Variants in LARGE1 observed in about 807,000 individuals in gnomAD.
LARGE1 encodes the protein LARGE xylosyl- and glucuronyltransferase 1.
Under a neutral mutation model 87.6 loss-of-function variants are expected in LARGE1, and 43 were observed. The observed-to-expected ratio is 0.49, with a 90% confidence interval of 0.38 to 0.63. The LOEUF (loss-of-function observed/expected upper bound fraction) is 0.63. Among genes scored for constraint, LARGE1 ranks in the 30% least tolerant of loss-of-function variants. LARGE1 has a pLI of 0.00. For missense variants in LARGE1, 802 were observed against 1,000.2 expected (o/e 0.80, Z 2.67); for synonymous variants, 434 against 394.6 (o/e 1.10, Z -1.18).
chr22:33,871,176 C>T lies in LARGE1; in HGVS notation c.-83+48819G>A, dbSNP rs562943532. Among the ~76,000 whole-genome samples the T allele has an allele frequency of 6.6e-5, 10 of 152,320 alleles. No individual in the cohort carries two copies. The South Asian group carries it at 1.5e-3, about 22-fold the overall frequency. On this transcript the variant is annotated intron_variant, in intron 1 of 14. Coordinates refer to ENST00000397394, the MANE Select transcript of LARGE1 (RefSeq NM_133642.5). ...AATTAGATAGGCAGTGGTTTCCATA[C>T]ATCCCATTAGCTCAAATTAACGTAT...
At chr22:33,485,704 C>T (rs1022378799) in intron 6 of LARGE1, among the ~76,000 whole-genome samples, 3 of 152,060 alleles carry the variant, frequency 2.0e-5, no homozygotes, top group Non-Finnish European at 4.4e-5. Flanking sequence ...GATCATCCCC[C>T]AAATTCAACC....
chr22:33,732,158 G>A (rs1179337870), intron 2 of LARGE1: 1 of 152,146 alleles, frequency 6.6e-6, no homozygotes, highest in African/African-American at 2.4e-5. Context: ...GGCCTGAAGT[G>A]GTCCCAGAAA....
intron 2 of LARGE1, among the ~76,000 whole-genome samples, chr22:33,683,919 C>A (rs1309497148): frequency 6.6e-6 from 1 of 152,054 alleles, no homozygotes; most frequent in Non-Finnish European, 1.5e-5. Context: ...GGTAAAGCGC[C>A]ACCACAGTCT....
rs551159417 is a variant in LARGE1, at chr22:33,880,271, T to C, written c.-83+39724A>G. Reference sequence around the variant, plus strand: ...ATTTTTCCAAGTATCTGGACCCAAGTCAGATCAGACGAAAGAAAGGTCTTG... The same window carrying C: ...ATTTTTCCAAGTATCTGGACCCAAGCCAGATCAGACGAAAGAAAGGTCTTG... On this transcript the variant is annotated intron_variant, in intron 1 of 14. Coordinates refer to ENST00000397394, the MANE Select transcript of LARGE1 (RefSeq NM_133642.5). Among the ~76,000 whole-genome samples, 3 of 152,286 alleles carry C rather than the reference T, an allele frequency of 2.0e-5. No individual in the cohort carries two copies. In the South Asian group the frequency reaches 6.2e-4, roughly 32 times the overall value.
At chr22:33,666,872 G>T (rs1188157630) in intron 2 of LARGE1, among the ~76,000 whole-genome samples, 1 of 152,150 alleles carries the variant, frequency 6.6e-6, no homozygotes, top group Non-Finnish European at 1.5e-5. Context: ...GCCACAATGG[G>T]AGTGAGAATG....
intron 6 of LARGE1, among the ~76,000 whole-genome samples, chr22:33,467,635 C>G (rs776894141): frequency 6.6e-6 from 1 of 152,134 alleles, no homozygotes; most frequent in South Asian, 2.1e-4. Flanking sequence ...CACTTTCAAC[C>G]CTGCGATATT....
chr22:33,868,928 A>G (rs2064190510), intron 1 of LARGE1, among the ~76,000 whole-genome samples: 2 of 152,180 alleles, frequency 1.3e-5, no homozygotes, highest in South Asian at 4.1e-4. Context: ...GTACTTCAAC[A>G]GAATTCTAAG....
intron 6 of LARGE1, among the ~76,000 whole-genome samples, chr22:33,561,298 T>C (rs2077851675): frequency 6.6e-6 from 1 of 152,206 alleles, no homozygotes; most frequent in South Asian, 2.1e-4. Context: ...TGCCCCAGGC[T>C]GGTTTTCTCT....
At chr22:33,589,531 A>G (rs1217227769) in intron 5 of LARGE1, among the ~76,000 whole-genome samples, 1 of 152,096 alleles carries the variant, frequency 6.6e-6, no homozygotes, top group African/African-American at 2.4e-5. Context: ...ATGAAAATTA[A>G]TATTTGTTTA....
chr22:33,527,324 T>C (rs1185065542), intron 6 of LARGE1, among the ~76,000 whole-genome samples: 3 of 152,150 alleles, frequency 2.0e-5, no homozygotes, highest in African/African-American at 7.2e-5. Flanking sequence ...GAACTCTGTT[T>C]TCCCAAGCGT....
chr22:33,507,075 G>A lies in LARGE1; in HGVS notation c.787+57773C>T, dbSNP rs76395275. On this transcript the variant is annotated intron_variant, in intron 6 of 14. Transcript: ENST00000397394. ...TAAGGGAATTGATGGTCATGATGGTGTCACATGCTGTGATCCAAGTAAACA... is the reference window on the plus strand; with the variant it reads ...TAAGGGAATTGATGGTCATGATGGTATCACATGCTGTGATCCAAGTAAACA... 5.5e-3 allele frequency among the ~76,000 whole-genome samples: 842 copies of A among 152,298 alleles called. 10 individuals carry two copies. Among genetic ancestry groups the A allele is most frequent in the South Asian group, 0.021 (102 of 4,824 alleles).
At chr22:33,543,365 T>C (rs2077266050) in intron 6 of LARGE1, among the ~76,000 whole-genome samples, 1 of 152,172 alleles carries the variant, frequency 6.6e-6, no homozygotes, top group Non-Finnish European at 1.5e-5. Flanking sequence ...CTTTCATGGA[T>C]AAATAGGCTG....
intron 1 of LARGE1, among the ~76,000 whole-genome samples, chr22:33,826,109 G>A (rs1054007913): frequency 6.6e-6 from 1 of 152,056 alleles, no homozygotes; most frequent in African/African-American, 2.4e-5. Context: ...AGCACAAACG[G>A]TGGCTTAAAA....
chr22:33,248,846 G>A (rs1926889244), intron 11 of LARGE1, among the ~76,000 whole-genome samples: 1 of 152,184 alleles, frequency 6.6e-6, no homozygotes, highest in Non-Finnish European at 1.5e-5. Context: ...TTAGTAAAAT[G>A]TGCATTTAAG....
chr22:33,130,269 G>C, the LARGE1 span, among the ~76,000 whole-genome samples: 8 of 136,922 alleles, frequency 5.8e-5, no homozygotes, highest in African/African-American at 2.3e-4. Flanking sequence ...AGCCGAGACA[G>C]CGCCACTGCA....
intron 2 of LARGE1, among the ~76,000 whole-genome samples, chr22:33,667,649 C>G (rs73400765): frequency 0.018 from 2,707 of 152,298 alleles, 83 homozygotes; most frequent in African/African-American, 0.062. Context: ...CTCTGGGTCT[C>G]TTCATCATTG....
intron 1 of LARGE1, among the ~76,000 whole-genome samples, chr22:33,854,014 G>A (rs1182766066): frequency 4.6e-5 from 7 of 151,958 alleles, no homozygotes; most frequent in African/African-American, 9.7e-5. Flanking sequence ...TGCCCAGACC[G>A]GCCATACCAG....
intron 7 of LARGE1, among the ~76,000 whole-genome samples, chr22:33,406,070 T>C (rs1379623569): frequency 6.6e-6 from 1 of 152,202 alleles, no homozygotes; most frequent in Non-Finnish European, 1.5e-5. Flanking sequence ...AAATAAACTT[T>C]GAAACCAGGC....
chr22:33,815,187 G>A (rs2086613482), intron 1 of LARGE1, among the ~76,000 whole-genome samples: 1 of 152,162 alleles, frequency 6.6e-6, no homozygotes, highest in Non-Finnish European at 1.5e-5. Flanking sequence ...GCACAGTCTG[G>A]CAGCCTAGCA....
Sources: gnomAD v4.1 joint callset for allele counts (sites outside exome capture counted in the v4.1 genomes callset) on GRCh38, gnomAD v4.1.1 for gene constraint, MANE v1.5 for transcripts, NCBI Gene and HGNC (gene_info 2026-07-23, HGNC 2026-07-21) for gene names.